Variants in FAM184A observed in about 807,000 individuals in gnomAD.
The protein encoded by FAM184A is family with sequence similarity 184 member A.
In FAM184A, 99 loss-of-function variants were observed where a neutral mutation model predicts 143.8. The observed-to-expected ratio is 0.69, with a 90% CI of 0.58 to 0.81. The LOEUF (loss-of-function observed/expected upper bound fraction) is 0.81, where lower values mean the gene tolerates loss of function less well. Ranked by LOEUF, FAM184A falls within the 40% of genes least tolerant of loss-of-function variation. The pLI is 0.00. For missense variants in FAM184A, 1,217 were observed against 1,310.5 expected (o/e 0.93, Z 1.10); for synonymous variants, 427 against 446.4 (o/e 0.96, Z 0.55).
At chr6:119,112,754 A>G (rs1479156048) in intron 1 of FAM184A, among the ~76,000 whole-genome samples, 1 of 152,200 alleles carries the variant, frequency 6.6e-6, no homozygotes, top group Non-Finnish European at 1.5e-5. Context: ...TAGTCACACT[A>G]TTTTTTAAAG....
chr6:119,024,464 C>T lies in FAM184A; in HGVS notation c.509G>A (p.Arg170Gln), dbSNP rs564860341. The T allele has an allele frequency of 2.9e-5, 46 of 1,613,584 alleles. No individual in the cohort carries two copies. The South Asian group carries it at 3.2e-4, about 11-fold the overall frequency. ...EIRRKFEEKL[R>Q]SFGQLQVQFE... is the part of the protein sequence containing the mutation. ...CTGTACTTGAAGTTGTCCAAAGCTCCGTAATTTTTCTTCAAATTTCCTTCT... is the reference window on the plus strand; with the variant it reads ...CTGTACTTGAAGTTGTCCAAAGCTCTGTAATTTTTCTTCAAATTTCCTTCT... Residue 170 changes from arginine to glutamine, a missense_variant, in exon 2 of 18, where the codon CGG becomes CAG. Transcript: ENST00000338891.
chr6:119,022,680 G>A, intron 3 of FAM184A, among the ~76,000 whole-genome samples: 1 of 152,084 alleles, frequency 6.6e-6, no homozygotes, highest in East Asian at 1.9e-4. Flanking sequence ...TTCGAGACCA[G>A]CCTGGGCAAC....
rs76933830 is a variant in FAM184A, at chr6:119,077,501, A to G, written c.159+640T>C. On this transcript the variant is annotated intron_variant, in intron 1 of 17. Transcript: ENST00000338891. ...ACTAATTTAGGTACAGTCCTAAACTACACGTGGCCGAATGTGAAAGCTAAC... is the reference window on the plus strand; with the variant it reads ...ACTAATTTAGGTACAGTCCTAAACTGCACGTGGCCGAATGTGAAAGCTAAC... Among the ~76,000 whole-genome samples, 1,263 of 152,376 alleles carry G rather than the reference A, an allele frequency of 8.3e-3. 16 individuals carry two copies. Among genetic ancestry groups the G allele is most frequent in the African/African-American group, 0.029 (1,198 of 41,590 alleles).
At position 118,976,025 on chromosome 6, in the gene FAM184A, G is replaced by A; in HGVS notation, c.2475C>T (p.Leu825=). 6.2e-7 allele frequency: 1 copy of A among 1,613,090 alleles called. No homozygotes were observed. Among genetic ancestry groups the A allele is most frequent in the Non-Finnish European group, 8.5e-7 (1 of 1,179,762 alleles). Residue 825 remains leucine, a synonymous_variant, in exon 12 of 18, where the codon CTC becomes CTT. Transcript: ENST00000338891. ...CAATTGCAGCTGCATGTTGATGGTT[G>A]AGTTCTGAGCGCAAGGAAGCTGGAA... ...KAMLASLRSE[L]NHQHAAAIDL...
chr6:119,140,880 G>C (rs1468562485), intron 1 of FAM184A, among the ~76,000 whole-genome samples: 5 of 152,200 alleles, frequency 3.3e-5, no homozygotes, highest in African/African-American at 1.2e-4. Context: ...CGCTAGAATT[G>C]ATTCACTAGG....
At chr6:119,146,136 G>C (rs2114898343) in intron 1 of FAM184A, among the ~76,000 whole-genome samples, 1 of 152,016 alleles carries the variant, frequency 6.6e-6, no homozygotes, top group East Asian at 1.9e-4. Flanking sequence ...AGGTGATATT[G>C]ACTTTTCATT....
chr6:119,002,242 G>A (rs577177652), intron 9 of FAM184A, among the ~76,000 whole-genome samples: 3 of 152,248 alleles, frequency 2.0e-5, no homozygotes, highest in Non-Finnish European at 4.4e-5. Flanking sequence ...CTTATCAACT[G>A]GTGATTCATG....
intron 1 of FAM184A, among the ~76,000 whole-genome samples, chr6:119,033,194 C>T (rs1785955644): frequency 6.6e-6 from 1 of 152,136 alleles, no homozygotes; most frequent in Non-Finnish European, 1.5e-5. Flanking sequence ...CACCACATCT[C>T]AATATGTCAT....
At position 119,078,258 on chromosome 6, in the gene FAM184A, G is replaced by A. The variant is rs1787951411; in HGVS notation, c.42C>T (p.Gly14=). 20 of 1,536,220 alleles carry A rather than the reference G, an allele frequency of 1.3e-5. No homozygotes were observed. The highest frequency in any genetic ancestry group is 1.7e-5 in the Non-Finnish European group (20 of 1,145,258). Residue 14 remains glycine (G), a synonymous_variant, in exon 1 of 18, where the codon GGC becomes GGT. Transcript: ENST00000338891. The surrounding 1 kb of genome is among the most constrained non-coding windows in gnomAD (Gnocchi z 5.5). ...PGMSWQQHYY[G]GSAAKFAPSP... The stretch of plus-strand genomic sequence containing the variant: ...AGGGCGCGAATTTGGCCGCCGAGCC[G>A]CCGTAATAGTGCTGCTGCCAGCTCA...
At chr6:119,072,937 G>C (rs527998559) in intron 1 of FAM184A, among the ~76,000 whole-genome samples, 18 of 152,070 alleles carry the variant, frequency 1.2e-4, no homozygotes, top group African/African-American at 4.1e-4. Context: ...ATTACTTGCT[G>C]TATCATTATG....
At chr6:119,050,700 G>A (rs983886559) in intron 1 of FAM184A, among the ~76,000 whole-genome samples, 1 of 152,088 alleles carries the variant, frequency 6.6e-6, no homozygotes, top group African/African-American at 2.4e-5. Flanking sequence ...AGCTACTCGG[G>A]AGGTTGAGGC....
rs1194018803 is a variant in FAM184A, at chr6:119,011,348, C to T, written c.1614G>A (p.Lys538=). Residue 538 remains lysine (K), a synonymous_variant, in exon 6 of 18, where the codon AAG becomes AAA. Transcript: ENST00000338891. ...TATTCAACTTGTCTTCCAGTACTTC[C>T]TTTAGGTTTTCTAGCTCTTGTTGAA... ...NQLQQELENL[K]EVLEDKLNTA... is the part of the protein sequence containing the mutation. The T allele has an allele frequency of 1.7e-5, 27 of 1,608,542 alleles. No homozygotes were observed. The highest frequency in any genetic ancestry group is 2.1e-5 in the Non-Finnish European group (25 of 1,177,590).
intron 15 of FAM184A, 148 bp downstream of exon 15, chr6:118,966,687 A>G (rs892624742): frequency 7.0e-6 from 3 of 427,792 alleles, no homozygotes; most frequent in Non-Finnish European, 1.2e-5. Flanking sequence ...TACTTTATTC[A>G]TAAACATTTC....
intron 1 of FAM184A, among the ~76,000 whole-genome samples, chr6:119,067,904 T>A (rs1787518388): frequency 6.6e-6 from 1 of 152,030 alleles, no homozygotes; most frequent in African/African-American, 2.4e-5. Flanking sequence ...CCCAGGAGTG[T>A]AAGGTTGCAG....
intron 1 of FAM184A, among the ~76,000 whole-genome samples, chr6:119,106,742 T>A (rs1043389382): frequency 7.9e-5 from 12 of 152,214 alleles, no homozygotes; most frequent in Non-Finnish European, 5.9e-5. Flanking sequence ...TGTAATTATC[T>A]TATGTGGCAC....
chr6:119,136,964 T>C (rs1207554345), intron 1 of FAM184A, among the ~76,000 whole-genome samples: 2 of 152,252 alleles, frequency 1.3e-5, no homozygotes, highest in Admixed American at 6.5e-5. Flanking sequence ...AAATTGCAGA[T>C]AGCTACTATA....
intron 1 of FAM184A, among the ~76,000 whole-genome samples, chr6:119,112,604 C>T (rs1340375508): frequency 1.3e-5 from 2 of 152,166 alleles, no homozygotes; most frequent in Non-Finnish European, 2.9e-5. Context: ...GATTTCCACC[C>T]CCACACTTGC....
At chr6:119,032,106 T>C (rs1056421780) in intron 1 of FAM184A, among the ~76,000 whole-genome samples, 3 of 152,022 alleles carry the variant, frequency 2.0e-5, no homozygotes, top group Non-Finnish European at 4.4e-5. Flanking sequence ...ACCCTATCTT[T>C]ACTAAAAATA....
intron 1 of FAM184A, among the ~76,000 whole-genome samples, chr6:119,118,740 T>G (rs901926995): frequency 6.6e-5 from 10 of 152,072 alleles, no homozygotes; most frequent in Non-Finnish European, 1.5e-5. Context: ...CAGGACCCTG[T>G]GATGATTGCG....
Sources: gnomAD v4.1 joint callset for allele counts (sites outside exome capture counted in the v4.1 genomes callset) on GRCh38, gnomAD v4.1.1 for gene constraint, Gnocchi (gnomAD v3.1) non-coding constraint, MANE v1.5 for transcripts, NCBI Gene and HGNC (gene_info 2026-07-23, HGNC 2026-07-21) for gene names.